The following PTH2R variants were observed in gnomAD, a reference collection of about 807,000 sequenced individuals.
PTH2R encodes the protein PTH2 receptor.
PTH2R carries 59 observed loss-of-function variants against 60.3 expected under a neutral mutation model. The observed-to-expected ratio is 0.98, with a 90% CI of 0.79 to 1.22. The LOEUF (loss-of-function observed/expected upper bound fraction) is 1.22, where lower values mean the gene tolerates loss of function less well. Among genes scored for constraint, PTH2R ranks in the 50% most tolerant of loss-of-function variants. The probability of loss-of-function intolerance (pLI) is 0.00; values close to 1 mark genes in which losing one functional copy is unlikely to be tolerated. For synonymous variants in PTH2R, 256 were observed against 243.8 expected, an observed-to-expected ratio of 1.05 and a Z score of -0.47; for missense variants, 749 against 682.6, an observed-to-expected ratio of 1.10 and a Z score of -1.08.
At chr2:208,412,229 C>A (rs1701554233) in intron 1 of PTH2R, among the ~76,000 whole-genome samples, 1 of 152,190 alleles carries the variant, frequency 6.6e-6, no homozygotes, top group South Asian at 2.1e-4. Flanking sequence ...AAATTTGTTT[C>A]CTTCTTGCTG....
intron 1 of PTH2R, among the ~76,000 whole-genome samples, chr2:208,395,891 T>A (rs1264716727): frequency 6.6e-6 from 1 of 152,182 alleles, no homozygotes; most frequent in African/African-American, 2.4e-5. Flanking sequence ...GGAGGCATCA[T>A]GCTACCTGAC....
At chr2:208,359,793 G>C (rs1700405901) in exon 1 of PTH2R, 1 of 155,578 alleles carries the variant, frequency 6.4e-6, no homozygotes, top group East Asian at 1.9e-4. Context: ...GCAGGAAGCC[G>C]GGAGGCCCGC....
At position 208,464,994 on chromosome 2, in the gene PTH2R, G is replaced by A. The variant is rs201410409; in HGVS notation, c.981+5033G>A. 1.8e-3 allele frequency among the ~76,000 whole-genome samples: 275 copies of A among 151,376 alleles called. 3 individuals carry two copies. Among genetic ancestry groups the A allele is most frequent in the Non-Finnish European group, 3.2e-3 (216 of 67,862 alleles). ...CCATTCTTTGTTTGTTTGTTTTTTT[G>A]AGACAGGATCTCACTCTGTCACCCA... On this transcript the variant is annotated intron_variant, in intron 9 of 12. Transcript: ENST00000272847.
At chr2:208,409,019 A>T (rs1701485776) in intron 1 of PTH2R, among the ~76,000 whole-genome samples, 1 of 152,026 alleles carries the variant, frequency 6.6e-6, no homozygotes. Flanking sequence ...CCCTCCCCCT[A>T]ACTGAGACAA....
intron 11 of PTH2R, 100 bp from the exon 12 acceptor site, chr2:208,490,539 C>A (rs1334115282): frequency 3.1e-5 from 33 of 1,058,282 alleles, no homozygotes; most frequent in Middle Eastern, 2.1e-4. Context: ...CTGAAGGAAT[C>A]ATAAAAAACA....
At chr2:208,402,513 A>G (rs1206923167), upstream of PTH2R, among the ~76,000 whole-genome samples, 1 of 152,148 alleles carries the variant, frequency 6.6e-6, no homozygotes, top group African/African-American at 2.4e-5. Flanking sequence ...TCCTCAATCA[A>G]ATTTTATTTT....
intron 1 of PTH2R, among the ~76,000 whole-genome samples, chr2:208,367,485 A>G (rs1313882664): frequency 1.0e-4 from 15 of 148,512 alleles, no homozygotes; most frequent in Non-Finnish European, 2.2e-4. Context: ...CAGTGGCACA[A>G]TCTCGGCTCA....
chr2:208,381,829 T>A (rs539412916), intron 1 of PTH2R, among the ~76,000 whole-genome samples: 201 of 152,260 alleles, frequency 1.3e-3, no homozygotes, highest in Admixed American at 1.8e-3. Context: ...TGAACTAAAC[T>A]AATCCCAGCA....
intron 10 of PTH2R, among the ~76,000 whole-genome samples, chr2:208,488,705 G>A (rs932494848): frequency 6.6e-6 from 1 of 152,008 alleles, no homozygotes; most frequent in Admixed American, 6.6e-5. Context: ...GCGAGACCCC[G>A]TCTCTACAAA....
chr2:208,377,279 C>A (rs1023771399), intron 1 of PTH2R, among the ~76,000 whole-genome samples: 1 of 152,160 alleles, frequency 6.6e-6, no homozygotes, highest in South Asian at 2.1e-4. Flanking sequence ...TCTTTCTACA[C>A]AGACACAGCA....
intron 9 of PTH2R, among the ~76,000 whole-genome samples, chr2:208,464,817 C>G (rs1382122958): frequency 6.6e-6 from 1 of 152,106 alleles, no homozygotes; most frequent in Non-Finnish European, 1.5e-5. Flanking sequence ...GGTTCAAGAC[C>G]AGCCTGGGCA....
chr2:208,462,785 G>A (rs1055605703), intron 9 of PTH2R, among the ~76,000 whole-genome samples: 2 of 152,224 alleles, frequency 1.3e-5, no homozygotes, highest in East Asian at 1.9e-4. Context: ...CAAGTGGTAC[G>A]AGAGCATTCC....
At chr2:208,443,263 G>A (rs1375356671) in intron 5 of PTH2R, 85 bp from the exon 6 acceptor site, 32 of 1,196,496 alleles carry the variant, frequency 2.7e-5, no homozygotes, top group Non-Finnish European at 3.7e-5. Flanking sequence ...GGAGCAGGCT[G>A]GTTGGTGGTG....
At chr2:208,387,388 C>T (rs962143042) in intron 1 of PTH2R, among the ~76,000 whole-genome samples, 1 of 152,190 alleles carries the variant, frequency 6.6e-6, no homozygotes, top group Non-Finnish European at 1.5e-5. Flanking sequence ...AATGAAATCA[C>T]ATCACATGAA....
chr2:208,457,610 C>A (rs1395312509), intron 8 of PTH2R, among the ~76,000 whole-genome samples: 6 of 152,118 alleles, frequency 3.9e-5, no homozygotes, highest in Non-Finnish European at 7.4e-5. Context: ...AAGAATATAA[C>A]CTTTGTATTT....
At chr2:208,414,212 T>C (rs1207452003) in intron 1 of PTH2R, among the ~76,000 whole-genome samples, 1 of 152,206 alleles carries the variant, frequency 6.6e-6, no homozygotes, top group Non-Finnish European at 1.5e-5. Flanking sequence ...TTCCTTGAAA[T>C]GCTTGAGGTT....
At chr2:208,428,763 G>A (rs1164358556) in intron 2 of PTH2R, among the ~76,000 whole-genome samples, 1 of 152,226 alleles carries the variant, frequency 6.6e-6, no homozygotes, top group Non-Finnish European at 1.5e-5. Flanking sequence ...ATCAGAGAAT[G>A]TGGTCTGCAT....
chr2:208,373,735 G>A (rs182002766), intron 1 of PTH2R, among the ~76,000 whole-genome samples: 6 of 152,170 alleles, frequency 3.9e-5, no homozygotes, highest in Admixed American at 2.0e-4. Flanking sequence ...AACTCTGGAA[G>A]GACCACTGGG....
chr2:208,361,438 G>A (rs1700471706), intron 1 of PTH2R: 1 of 152,210 alleles, frequency 6.6e-6, no homozygotes, highest in Non-Finnish European at 1.5e-5. Flanking sequence ...CACCCAACCA[G>A]TGCTCTGGTT....
Sources: allele counts gnomAD v4.1 joint callset (sites outside exome capture counted in the v4.1 genomes callset), GRCh38; gene constraint gnomAD v4.1.1; transcripts MANE v1.5; gene names NCBI Gene and HGNC (gene_info 2026-07-23, HGNC 2026-07-21).